ZNF324: variants seen among roughly 807,000 people sequenced by gnomAD.
ZNF324 encodes zinc finger protein 324A.
A neutral mutation model predicts 10.3 loss-of-function variants in ZNF324; 3 were observed. The ratio of observed to expected loss-of-function variants is 0.29; its 90% CI spans 0.13 to 0.75. The LOEUF is 0.75. Ranked by LOEUF, ZNF324 falls within the 30% of genes least tolerant of loss-of-function variation. ZNF324 has a pLI of 0.69. For missense variants in ZNF324, 763 were observed against 784.4 expected (o/e 0.97, Z 0.33); for synonymous variants, 430 against 339.5 (o/e 1.27, Z -2.93).
Position 58,471,260 on chromosome 19 carries a change from C to T in ZNF324, c.768C>T (p.Ser256=). 1 of 1,613,606 alleles carries T rather than the reference C, an allele frequency of 6.2e-7. No homozygotes were observed. The change falls in exon 4 of 4, where the codon TCC becomes TCT. Residue 256 remains serine (S), a synonymous_variant. Transcript: ENST00000196482. Reference sequence around the variant, plus strand: ...AGGCTCTTCACGCTGGGGAGAAGTCCTTCGAATGCAGGGCGTGCAGCAAAG... The same window carrying T: ...AGGCTCTTCACGCTGGGGAGAAGTCTTTCGAATGCAGGGCGTGCAGCAAAG... ...LGEALHAGEK[S]FECRACSKVF... is the part of the protein sequence containing the mutation.
In ZNF324 at chr19:58,471,723, T is replaced by C; in HGVS notation, c.1231T>C (p.Ser411Pro). The C allele has an allele frequency of 6.2e-7, 1 of 1,612,240 alleles. No homozygotes were observed. The highest frequency in any genetic ancestry group is 8.5e-7 in the Non-Finnish European group (1 of 1,179,232). ...CGGTGCTGCCTTCAGCCAGGGCTCC[T>C]CGCTCTTTAAGCACCAGCGCGTGCA... Reference protein sequence around the residue: ...LCGAAFSQGSSLFKHQRVHTG... With the variant: ...LCGAAFSQGSPLFKHQRVHTG... Residue 411 changes from serine to proline, a missense_variant, in exon 4 of 4, where the codon TCG (serine) becomes CCG (proline). Ser to Pro is a moderately conservative substitution (Grantham distance 74, BLOSUM62 -1). Transcript: ENST00000196482.
rs148766951 is a variant in ZNF324, at chr19:58,472,100, C to T, written c.1608C>T (p.Thr536=). The part of the protein sequence containing the change: ...ASSEGAPAKE[T]EPTPASGPAA... Reference sequence around the variant, plus strand: ...CAGAAGGTGCGCCAGCGAAGGAAACCGAGCCCACTCCCGCCTCGGGCCCAG... The same window carrying T: ...CAGAAGGTGCGCCAGCGAAGGAAACTGAGCCCACTCCCGCCTCGGGCCCAG... The change falls in exon 4 of 4, where the codon ACC becomes ACT. Residue 536 remains threonine, a synonymous_variant. Transcript: ENST00000196482. The T allele has an allele frequency of 1.5e-5, 24 of 1,595,940 alleles. No homozygotes were observed. In the African/African-American group the frequency reaches 2.5e-4, roughly 17 times the overall value.
rs747635357 is a variant in ZNF324, at chr19:58,470,973, C to G, written c.481C>G (p.Arg161Gly). ...CAGTGGGCAAGCCAGCGTCAGCCTG[C>G]GACTGACCTCCCCGCTTAGGCCTCC... The part of the protein sequence containing the change: ...SGSGQASVSL[R>G]LTSPLRPPEG... The change falls in exon 4 of 4, where the codon CGA becomes GGA. Residue 161 changes from arginine to glycine, a missense_variant. Coordinates refer to ENST00000196482, the MANE Select transcript of ZNF324 (RefSeq NM_014347.3). 6.2e-7 allele frequency: 1 copy of G among 1,614,206 alleles called. No individual in the cohort carries two copies. The highest frequency in any genetic ancestry group is 8.5e-7 in the Non-Finnish European group (1 of 1,180,046).
rs1467531751 is a variant in ZNF324, at chr19:58,471,341, G to A, written c.849G>A (p.Arg283=). Residue 283 remains arginine, a synonymous_variant, in exon 4 of 4, where the codon CGG becomes CGA. Coordinates refer to ENST00000196482, the MANE Select transcript of ZNF324 (RefSeq NM_014347.3). ...ACCTACGCACCCACACCGGGGAGCG[G>A]CCCTACGAGTGCGCCCAGTGCGGCA... ...LKHLRTHTGE[R]PYECAQCGKA... The A allele has an allele frequency of 1.9e-6, 3 of 1,614,058 alleles. No homozygotes were observed. Among genetic ancestry groups the A allele is most frequent in the East Asian group, 2.2e-5 (1 of 44,878 alleles).
Position 58,471,015 on chromosome 19 carries a change from A to G in ZNF324, c.523A>G (p.Arg175Gly). The G allele has an allele frequency of 2.5e-6, 4 of 1,614,150 alleles. No individual in the cohort carries two copies. The highest frequency in any genetic ancestry group is 3.4e-6 in the Non-Finnish European group (4 of 1,180,034). The change falls in exon 4 of 4, where the codon AGA becomes GGA. Residue 175 changes from arginine to glycine, a missense_variant. By Grantham distance (125) the Arg-to-Gly change is moderately radical. Coordinates refer to ENST00000196482, the MANE Select transcript of ZNF324 (RefSeq NM_014347.3). ...TAGGCCTCCCGAGGGCGTCCGGCTTAGAGAAAAGACACTCACAGAGCATGC... is the reference window on the plus strand; with the variant it reads ...TAGGCCTCCCGAGGGCGTCCGGCTTGGAGAAAAGACACTCACAGAGCATGC... ...PLRPPEGVRL[R>G]EKTLTEHALL...
chr19:58,470,844 A>C lies in ZNF324; in HGVS notation c.352A>C (p.Ser118Arg). The C allele has an allele frequency of 1.2e-6, 2 of 1,614,162 alleles. No individual in the cohort carries two copies. Among genetic ancestry groups the C allele is most frequent in the Non-Finnish European group, 1.7e-6 (2 of 1,180,028 alleles). Residue 118 changes from serine (S) to arginine (R), a missense_variant, in exon 4 of 4, where the codon AGT becomes CGT. Around this residue, in one of 3 missense-constraint regions of ZNF324, gnomAD observed 379 missense variants for 319.4 expected, o/e 1.19. Coordinates refer to ENST00000196482, the MANE Select transcript of ZNF324 (RefSeq NM_014347.3). ...CTTCCCTGTTGCCGGTGCCTGCCAC[A>C]GTGTAAAAAGCCTGCAGAGACAACG... ...SVFPVAGACH[S>R]VKSLQRQRGA...
rs2053038238 is a variant in ZNF324, at chr19:58,471,946, A to G, written c.1454A>G (p.Gln485Arg). The change falls in exon 4 of 4, where the codon CAG (glutamine) becomes CGG (arginine). Residue 485 changes from glutamine (Q) to arginine (R), a missense_variant. By Grantham distance (43) the Gln-to-Arg change is conservative (BLOSUM62 1). Around this residue, in one of 3 missense-constraint regions of ZNF324, gnomAD observed 231 missense variants for 196.0 expected, o/e 1.18. Transcript: ENST00000196482. ...HTGEKPFVCT[Q>R]CGRAFRERPA... is the part of the protein sequence containing the mutation. The stretch of plus-strand genomic sequence containing the variant: ...GGCGAGAAGCCCTTCGTGTGTACGC[A>G]GTGTGGCCGCGCCTTCCGTGAGCGC... The G allele has an allele frequency of 1.2e-6, 2 of 1,609,784 alleles. No individual in the cohort carries two copies. Among genetic ancestry groups the G allele is most frequent in the Non-Finnish European group, 1.7e-6 (2 of 1,179,144 alleles).
rs922682585 is a variant in ZNF324, at chr19:58,473,721, CCA to C, written c.*1570_*1571del. The C allele has an allele frequency of 6.6e-6, 1 of 152,246 alleles. No individual in the cohort carries two copies. The highest frequency in any genetic ancestry group is 2.4e-5 in the African/African-American group (1 of 41,448). 9.4% of individuals were successfully genotyped at this position (152,246 alleles called of 1,614,324 possible). ...CTTCAACCTGGGTACCCTCAAGAGG[CCA>C]CAGAGTAGAGATACAGCCTGTCTGC... On this transcript the variant is annotated 3_prime_UTR_variant, in exon 4 of 4. Transcript: ENST00000196482.
At position 58,471,192 on chromosome 19, in the gene ZNF324, C is replaced by G; in HGVS notation, c.700C>G (p.Leu234Val). 1 of 1,613,390 alleles carries G rather than the reference C, an allele frequency of 6.2e-7. No homozygotes were observed. Among genetic ancestry groups the G allele is most frequent in the South Asian group, 1.1e-5 (1 of 91,072 alleles). Residue 234 changes from leucine to valine, a missense_variant, in exon 4 of 4, where the codon CTC (leucine) becomes GTC (valine). Physicochemically the swap from Leu to Val is conservative, Grantham distance 32 (BLOSUM62 1). Around this residue, in one of 3 missense-constraint regions of ZNF324, gnomAD observed 379 missense variants for 319.4 expected, o/e 1.19. Transcript: ENST00000196482. ...TGCAGTTTGGCAGGAGCCTCATAGA[C>G]TCCTCGGTGGCCAGGAGCCCTCGAC... The part of the protein sequence containing the change: ...MGAVWQEPHR[L>V]LGGQEPSTWD...
chr19:58,472,045 CCCAGG>C lies in ZNF324; in HGVS notation c.1559_1563del (p.Ala520ValfsTer113). The C allele has an allele frequency of 6.2e-7, 1 of 1,606,442 alleles. No individual in the cohort carries two copies. On this transcript the variant is annotated frameshift_variant, in exon 4 of 4. Coordinates refer to ENST00000196482, the MANE Select transcript of ZNF324 (RefSeq NM_014347.3). LOFTEE classifies it low-confidence loss of function (END_TRUNC). ...CGGCGATCCAGGGCCAGCCTGCACC[CCCAGG>C]CCAGGTCTGTTGCCGGGGCATCATC...
In ZNF324 at chr19:58,471,670, G is replaced by C; in HGVS notation, c.1178G>C (p.Gly393Ala). 5 of 1,612,610 alleles carry C rather than the reference G, an allele frequency of 3.1e-6. No individual in the cohort carries two copies. The highest frequency in any genetic ancestry group is 4.2e-6 in the Non-Finnish European group (5 of 1,179,776). ...HLIQHERTHT[G>A]EKPFVCALCG... ...ATCCAGCACGAGCGTACGCACACAG[G>C]CGAGAAGCCCTTCGTGTGCGCGCTC... Residue 393 changes from glycine (G) to alanine (A), a missense_variant, in exon 4 of 4, where the codon GGC becomes GCC. Transcript: ENST00000196482.
Position 58,470,598 on chromosome 19 carries a change from G to A in ZNF324, c.239-133G>A, listed in dbSNP as rs1277957381. 3.5e-6 allele frequency: 4 copies of A among 1,127,442 alleles called. No individual in the cohort carries two copies. The South Asian group carries it at 5.1e-5, about 14-fold the overall frequency. 69.8% of individuals were successfully genotyped at this position (1,127,442 alleles called of 1,614,324 possible). A position where few individuals can be genotyped will look rare whatever the true frequency, so the allele number is the denominator to read the frequency against. On this transcript the variant is annotated intron_variant, in intron 3 of 3. Coordinates refer to ENST00000196482, the MANE Select transcript of ZNF324 (RefSeq NM_014347.3). ...CTCCAAACCCCAGCCCCTCCTGCAG[G>A]GCCAGCCTCACCTCTACTTTTCCCC...
At chr19:58,467,438 A>T (rs1026594367) in intron 1 of ZNF324, 11 of 151,662 alleles carry the variant, frequency 7.3e-5, no homozygotes, top group South Asian at 2.1e-4. Flanking sequence ...TGGCGGGGAA[A>T]GGCTGGGTGG....
chr19:58,472,032 G>T lies in ZNF324; in HGVS notation c.1540G>T (p.Ala514Ser). 1 of 1,606,880 alleles carries T rather than the reference G, an allele frequency of 6.2e-7. No individual in the cohort carries two copies. Among genetic ancestry groups the T allele is most frequent in the Non-Finnish European group, 8.5e-7 (1 of 1,179,646 alleles). Reference sequence around the variant, plus strand: ...CGAGAAGACCGTCCGGCGATCCAGGGCCAGCCTGCACCCCCAGGCCAGGTC... The same window carrying T: ...CGAGAAGACCGTCCGGCGATCCAGGTCCAGCCTGCACCCCCAGGCCAGGTC... The part of the protein sequence containing the change: ...TGEKTVRRSR[A>S]SLHPQARSVA... Residue 514 changes from alanine to serine, a missense_variant, in exon 4 of 4, where the codon GCC becomes TCC. Ala to Ser is a moderately conservative substitution (Grantham distance 99, BLOSUM62 1). Transcript: ENST00000196482.
At chr19:58,467,496 G>A (rs922906931) in intron 1 of ZNF324, 2 of 151,764 alleles carry the variant, frequency 1.3e-5, no homozygotes, top group Admixed American at 6.6e-5. Context: ...GGCGGCGGTG[G>A]CGCTGACAAG....
rs771678069 is a variant in ZNF324, at chr19:58,471,006, G to A, written c.514G>A (p.Val172Ile). The A allele has an allele frequency of 6.2e-6, 10 of 1,614,074 alleles. No individual in the cohort carries two copies. The highest frequency in any genetic ancestry group is 2.2e-5 in the East Asian group (1 of 44,896). Reference protein sequence around the residue: ...LTSPLRPPEGVRLREKTLTEH... With the variant: ...LTSPLRPPEGIRLREKTLTEH... ...CTCCCCGCTTAGGCCTCCCGAGGGC[G>A]TCCGGCTTAGAGAAAAGACACTCAC... is the stretch of plus-strand genomic sequence containing the variant. Residue 172 changes from valine to isoleucine, a missense_variant, in exon 4 of 4, where the codon GTC (valine) becomes ATC (isoleucine). Val to Ile is a conservative substitution (Grantham distance 29). Transcript: ENST00000196482.
At chr19:58,470,026 G>A (rs2053014439) in intron 3 of ZNF324, among the ~76,000 whole-genome samples, 182 bp downstream of exon 3, 1 of 151,204 alleles carries the variant, frequency 6.6e-6, no homozygotes, top group Non-Finnish European at 1.5e-5. Context: ...GAGCTCCAAG[G>A]GCACAGGAGC....
chr19:58,470,934 C>T lies in ZNF324; in HGVS notation c.442C>T (p.Leu148=), dbSNP rs773517912. The change falls in exon 4 of 4, where the codon CTG becomes TTG. Residue 148 remains leucine (L), a synonymous_variant. Transcript: ENST00000196482. ...GVSVIYWERL[L]LGSGSGQASV... is the part of the protein sequence containing the mutation. ...GTCGGTGATCTACTGGGAGAGGCTCCTGCTAGGCTCAGGCAGTGGGCAAGC... is the reference window on the plus strand; with the variant it reads ...GTCGGTGATCTACTGGGAGAGGCTCTTGCTAGGCTCAGGCAGTGGGCAAGC... 6.2e-7 allele frequency: 1 copy of T among 1,614,230 alleles called. No homozygotes were observed. Among genetic ancestry groups the T allele is most frequent in the South Asian group, 1.1e-5 (1 of 91,086 alleles).
chr19:58,473,007 G>C lies in ZNF324; in HGVS notation c.*853G>C, dbSNP rs548299094. Reference sequence around the variant, plus strand: ...GGATGATGGCTTTCCGGTGGCACTCGTTCAGGTTTTTGCCCAAGTCTCAGC... The same window carrying C: ...GGATGATGGCTTTCCGGTGGCACTCCTTCAGGTTTTTGCCCAAGTCTCAGC... On this transcript the variant is annotated 3_prime_UTR_variant, in exon 4 of 4. Coordinates refer to ENST00000196482, the MANE Select transcript of ZNF324 (RefSeq NM_014347.3). The C allele has an allele frequency of 6.5e-6, 1 of 152,688 alleles. No homozygotes were observed. Among genetic ancestry groups the C allele is most frequent in the Non-Finnish European group, 1.5e-5 (1 of 68,070 alleles). 9.5% of individuals were successfully genotyped at this position (152,688 alleles called of 1,614,324 possible).
Sources: allele counts gnomAD v4.1 joint callset (sites outside exome capture counted in the v4.1 genomes callset), GRCh38; gene constraint gnomAD v4.1.1; regional missense constraint gnomAD v4.1.1; transcripts MANE v1.5; gene names NCBI Gene and HGNC (gene_info 2026-07-23, HGNC 2026-07-21).